Variants in TMEM116 observed in about 807,000 individuals in gnomAD.
TMEM116 encodes the protein transmembrane protein 116.
A neutral mutation model predicts 44.3 loss-of-function variants in TMEM116; 38 were observed. That is an observed-to-expected ratio of 0.86 (90% confidence interval 0.66 to 1.12). TMEM116 has a LOEUF of 1.12. Among genes scored for constraint, TMEM116 ranks in the 50% most tolerant of loss-of-function variants. TMEM116 has a pLI of 0.00. For missense variants in TMEM116, 354 were observed against 401.7 expected, an observed-to-expected ratio of 0.88 and a Z score of 1.01; for synonymous variants, 132 against 144.8, an observed-to-expected ratio of 0.91 and a Z score of 0.64.
intron 5 of TMEM116, among the ~76,000 whole-genome samples, chr12:111,940,521 G>A (rs7967215): frequency 1.6e-4 from 15 of 95,722 alleles, no homozygotes; most frequent in East Asian, 1.4e-3. Flanking sequence ...ACATATATAT[G>A]TGTATATATA....
intron 4 of TMEM116, among the ~76,000 whole-genome samples, chr12:111,990,890 C>G (rs1034030960): frequency 6.6e-6 from 1 of 152,058 alleles, no homozygotes; most frequent in Non-Finnish European, 1.5e-5. Context: ...CCTGGAAATA[C>G]GGTCACAATA....
chr12:111,948,746 G>A (rs950061749), intron 4 of TMEM116, among the ~76,000 whole-genome samples: 2 of 151,804 alleles, frequency 1.3e-5, no homozygotes, highest in Non-Finnish European at 2.9e-5. Context: ...GGATTATATG[G>A]CAGGGGGGCT....
intron 4 of TMEM116, among the ~76,000 whole-genome samples, chr12:111,958,693 T>C (rs547132234): frequency 9.2e-5 from 14 of 152,076 alleles, no homozygotes; most frequent in African/African-American, 2.7e-4. Context: ...AAGAACTTCG[T>C]GAAACATACA....
chr12:112,004,631 C>T (rs781296786), intron 2 of TMEM116, among the ~76,000 whole-genome samples: 4 of 151,606 alleles, frequency 2.6e-5, no homozygotes, highest in East Asian at 1.9e-4. Flanking sequence ...TTTGCACATT[C>T]TCCTTATCCA....
chr12:111,958,836 T>C (rs1641915445), intron 4 of TMEM116, among the ~76,000 whole-genome samples: 1 of 151,904 alleles, frequency 6.6e-6, no homozygotes. Context: ...CTCCAAGAAA[T>C]ATGGGACTAC....
intron 4 of TMEM116, among the ~76,000 whole-genome samples, chr12:111,985,569 T>G (rs1055025225): frequency 7.2e-5 from 11 of 152,260 alleles, no homozygotes; most frequent in African/African-American, 2.6e-4. Context: ...CCCATGTTCA[T>G]GGATTGGAAG....
chr12:112,007,916 T>G (rs941909784), intron 1 of TMEM116, among the ~76,000 whole-genome samples: 7 of 152,256 alleles, frequency 4.6e-5, no homozygotes, highest in African/African-American at 1.4e-4. Context: ...ATTCAGCACT[T>G]TGTCCCTTTG....
intron 5 of TMEM116, among the ~76,000 whole-genome samples, chr12:111,941,324 C>T (rs142762866): frequency 0.016 from 2,418 of 150,520 alleles, 59 homozygotes; most frequent in African/African-American, 0.056. Flanking sequence ...TGCAGTGAGC[C>T]GAGCTTGTGC....
At chr12:111,931,917 G>T in intron 10 of TMEM116, 90 bp from the exon 11 acceptor site, 3 of 923,574 alleles carry the variant, frequency 3.2e-6, no homozygotes, top group Non-Finnish European at 4.8e-6. Flanking sequence ...ATAAAGCATT[G>T]TTATATTTTC....
chr12:112,007,487 C>T (rs867786825), intron 1 of TMEM116, among the ~76,000 whole-genome samples: 7 of 152,160 alleles, frequency 4.6e-5, no homozygotes, highest in South Asian at 2.1e-4. Context: ...TAGTCTATAG[C>T]GGAAGACCAG....
At chr12:111,978,162 G>A (rs1483042794) in intron 4 of TMEM116, among the ~76,000 whole-genome samples, 1 of 151,420 alleles carries the variant, frequency 6.6e-6, no homozygotes, top group Non-Finnish European at 1.5e-5. Context: ...AGCACTTTGG[G>A]AGGCCGAGGT....
intron 4 of TMEM116, among the ~76,000 whole-genome samples, chr12:111,975,997 T>C (rs528699247): frequency 2.0e-5 from 3 of 152,064 alleles, no homozygotes; most frequent in Admixed American, 6.5e-5. Flanking sequence ...TTTTGTTTTG[T>C]TTTGTTTTTG....
At chr12:111,951,500 G>A (rs914848391) in intron 4 of TMEM116, among the ~76,000 whole-genome samples, 8 of 152,190 alleles carry the variant, frequency 5.3e-5, no homozygotes, top group Non-Finnish European at 1.2e-4. Flanking sequence ...AAAAGGACAA[G>A]ATCATGTCCT....
Position 112,003,831 on chromosome 12 carries a change from G to T in TMEM116, c.47C>A (p.Ala16Asp). ...AGATTTCTGTATATTATGGAATACA[G>T]CATAGGCAATAAGTGAACTTGAACC... ...VIGSSSLIAY[A>D]VFHNIQKSPE... Residue 16 changes from alanine (A) to aspartate (D), a missense_variant, in exon 3 of 11, where the codon GCT becomes GAT. Coordinates refer to ENST00000552374, the MANE Select transcript of TMEM116 (RefSeq NM_001193531.2). The T allele has an allele frequency of 1.3e-6, 2 of 1,514,438 alleles. No homozygotes were observed. 93.8% of individuals were successfully genotyped at this position (1,514,438 alleles called of 1,614,324 possible). A position where few individuals can be genotyped will look rare whatever the true frequency, so the allele number is the denominator to read the frequency against.
chr12:111,934,045 A>C lies in TMEM116; in HGVS notation c.589-15T>G. The C allele has an allele frequency of 6.2e-7, 1 of 1,613,694 alleles. No homozygotes were observed. The highest frequency in any genetic ancestry group is 8.5e-7 in the Non-Finnish European group (1 of 1,179,796). On this transcript the variant is annotated splice_polypyrimidine_tract_variant and intron_variant, in intron 8 of 10. Coordinates refer to ENST00000552374, the MANE Select transcript of TMEM116 (RefSeq NM_001193531.2). Reference sequence around the variant, plus strand: ...ATAAGTAAGACCTAAATATGAGTACAGCAGTGAGCAGTTTGCTTAAAGCTT... The same window carrying C: ...ATAAGTAAGACCTAAATATGAGTACCGCAGTGAGCAGTTTGCTTAAAGCTT...
intron 4 of TMEM116, among the ~76,000 whole-genome samples, chr12:111,952,407 C>T (rs1374874589): frequency 6.6e-6 from 1 of 152,110 alleles, no homozygotes; most frequent in Non-Finnish European, 1.5e-5. Flanking sequence ...TAGATAAATT[C>T]CTCTGGAAAA....
At chr12:111,938,313 A>C (rs951258838) in intron 5 of TMEM116, 103 bp from the exon 6 acceptor site, 3 of 851,518 alleles carry the variant, frequency 3.5e-6, no homozygotes, top group Non-Finnish European at 5.2e-6. Flanking sequence ...AAAGATTTCC[A>C]AAAGCCAGTT....
At chr12:111,958,616 T>A (rs2074342633) in intron 4 of TMEM116, among the ~76,000 whole-genome samples, 2 of 152,076 alleles carry the variant, frequency 1.3e-5, no homozygotes, top group Admixed American at 1.3e-4. Context: ...GTTAGACAAA[T>A]TGCTAACTAG....
chr12:111,977,829 A>C (rs1224643261), intron 4 of TMEM116, among the ~76,000 whole-genome samples: 3 of 152,124 alleles, frequency 2.0e-5, no homozygotes, highest in Admixed American at 2.0e-4. Context: ...ATATAGTATT[A>C]TTTGAAAGTA....
Sources: allele counts gnomAD v4.1 joint callset (sites outside exome capture counted in the v4.1 genomes callset), GRCh38; gene constraint gnomAD v4.1.1; transcripts MANE v1.5; gene names NCBI Gene and HGNC (gene_info 2026-07-23, HGNC 2026-07-21).